The following GALNT7 variants were observed in gnomAD, a reference collection of about 807,000 sequenced individuals.
GALNT7 encodes the protein N-acetylgalactosaminyltransferase 7.
Under a neutral mutation model 82.1 loss-of-function variants are expected in GALNT7, and 60 were observed. The ratio of observed to expected loss-of-function variants is 0.73; its 90% CI spans 0.59 to 0.91. GALNT7 has a LOEUF of 0.91. GALNT7 is among the 40% of genes least tolerant of loss of function. GALNT7 has a pLI of 0.00. For missense variants in GALNT7, 660 were observed against 804.2 expected (o/e 0.82, Z 2.17); for synonymous variants, 243 against 275.1 (o/e 0.88, Z 1.15).
At chr4:173,213,654 A>G (rs942442715) in intron 1 of GALNT7, among the ~76,000 whole-genome samples, 42 of 152,296 alleles carry the variant, frequency 2.8e-4, no homozygotes, top group Non-Finnish European at 5.0e-4. Flanking sequence ...TGATAACTAT[A>G]TAGTGATTAT....
At position 173,198,290 on chromosome 4, in the gene GALNT7, G is replaced by A. The variant is rs538969004; in HGVS notation, c.126+29329G>A. ...TCACCGTGTTAGCCAGGATAGTCTC[G>A]ATCTCCTGACCTCATGATCCGCCTG... On this transcript the variant is annotated intron_variant, in intron 1 of 11. Coordinates refer to ENST00000265000, the MANE Select transcript of GALNT7 (RefSeq NM_017423.3). 5.1e-3 allele frequency among the ~76,000 whole-genome samples: 758 copies of A among 148,598 alleles called. 9 individuals are homozygous for A. Among genetic ancestry groups the A allele is most frequent in the African/African-American group, 0.018 (726 of 40,324 alleles).
intron 1 of GALNT7, among the ~76,000 whole-genome samples, chr4:173,218,066 A>G (rs540196887): frequency 6.6e-6 from 1 of 152,322 alleles, no homozygotes; most frequent in East Asian, 1.9e-4. Context: ...TTCTGGAGAC[A>G]GGGTAGGGAG....
At chr4:173,172,556 CA>C (rs141027918) in intron 1 of GALNT7, among the ~76,000 whole-genome samples, 7,905 of 152,252 alleles carry the variant, frequency 0.052, 430 homozygotes, top group African/African-American at 0.13. Flanking sequence ...GACAGTTTAA[CA>C]ACGGCCTGAC....
At chr4:173,242,906 T>A (rs1734484942) in intron 1 of GALNT7, among the ~76,000 whole-genome samples, 1 of 152,234 alleles carries the variant, frequency 6.6e-6, no homozygotes, top group African/African-American at 2.4e-5. Flanking sequence ...AGGATTTTTC[T>A]GAAGAAAGGT....
chr4:173,242,507 T>C (rs1472571021), intron 1 of GALNT7, among the ~76,000 whole-genome samples: 1 of 152,188 alleles, frequency 6.6e-6, no homozygotes, highest in Non-Finnish European at 1.5e-5. Context: ...ACTGGTAAGG[T>C]CTCTGTTTAA....
At chr4:173,209,494 A>T (rs1350954420) in intron 1 of GALNT7, among the ~76,000 whole-genome samples, 1 of 152,244 alleles carries the variant, frequency 6.6e-6, no homozygotes. Flanking sequence ...ATCTGTGAAC[A>T]TATACCTTCA....
chr4:173,191,436 G>C (rs896896771), intron 1 of GALNT7, among the ~76,000 whole-genome samples: 1 of 152,154 alleles, frequency 6.6e-6, no homozygotes, highest in Non-Finnish European at 1.5e-5. Context: ...ATCCTAATGG[G>C]AAGGCTGTTG....
chr4:173,320,122 G>A lies in GALNT7; in HGVS notation c.1837-1458G>A, dbSNP rs775764581. Among the ~76,000 whole-genome samples the A allele has an allele frequency of 8.5e-5, 13 of 152,158 alleles. No homozygotes were observed. The highest frequency in any genetic ancestry group is 2.0e-4 in the Admixed American group (3 of 15,276). On this transcript the variant is annotated intron_variant, in intron 11 of 11. Coordinates refer to ENST00000265000, the MANE Select transcript of GALNT7 (RefSeq NM_017423.3). The surrounding 1 kb of genome is among the most constrained non-coding windows in gnomAD (Gnocchi z 4.1). ...AGGAAGGTAGTGATGGAAAACAATG[G>A]CTACTTTTAGGAAAATAATTCTGGA...
At chr4:173,184,834 C>A (rs1732416879) in intron 1 of GALNT7, among the ~76,000 whole-genome samples, 1 of 152,128 alleles carries the variant, frequency 6.6e-6, no homozygotes, top group Non-Finnish European at 1.5e-5. Context: ...CTGCTTCACT[C>A]CATCCCCATT....
At chr4:173,277,158 TGCCCATAAACAA>T (rs1735941849) in intron 2 of GALNT7, among the ~76,000 whole-genome samples, 1 of 152,232 alleles carries the variant, frequency 6.6e-6, no homozygotes, top group African/African-American at 2.4e-5. Context: ...ATGGATTATT[TGCCCATAAACAA>T]ATCTGTTTAA....
intron 2 of GALNT7, among the ~76,000 whole-genome samples, chr4:173,269,305 T>G (rs1323743322): frequency 6.6e-6 from 1 of 152,232 alleles, no homozygotes; most frequent in Admixed American, 6.5e-5. Context: ...TATTATTATA[T>G]GTTCCGCCCA....
At chr4:173,220,950 C>T (rs1011135835) in intron 1 of GALNT7, among the ~76,000 whole-genome samples, 84 of 151,694 alleles carry the variant, frequency 5.5e-4, no homozygotes, top group African/African-American at 1.9e-3. Context: ...TGGATAGTGC[C>T]GCAATAAACA....
chr4:173,174,742 G>T (rs1579875899), intron 1 of GALNT7, among the ~76,000 whole-genome samples: 1 of 152,174 alleles, frequency 6.6e-6, no homozygotes, highest in Non-Finnish European at 1.5e-5. Flanking sequence ...GCAATGTAAA[G>T]AAATAATACA....
chr4:173,195,340 A>G (rs1732742839), intron 1 of GALNT7, among the ~76,000 whole-genome samples: 1 of 152,156 alleles, frequency 6.6e-6, no homozygotes, highest in Non-Finnish European at 1.5e-5. Context: ...TGAGTGACTG[A>G]CTGGCTCTGG....
chr4:173,210,140 AG>A (rs1733228579), intron 1 of GALNT7, among the ~76,000 whole-genome samples: 2 of 150,330 alleles, frequency 1.3e-5, no homozygotes, highest in African/African-American at 5.0e-5. Context: ...TCTCAAAAAA[AG>A]AAAAAAAAAA....
At chr4:173,310,112 G>T (rs1368464215) in intron 8 of GALNT7, among the ~76,000 whole-genome samples, 3 of 152,098 alleles carry the variant, frequency 2.0e-5, no homozygotes, top group South Asian at 4.1e-4. Flanking sequence ...AGCCATCAGG[G>T]GGCCAGTGGC....
At chr4:173,217,332 G>A (rs1733501796) in intron 1 of GALNT7, among the ~76,000 whole-genome samples, 1 of 152,164 alleles carries the variant, frequency 6.6e-6, no homozygotes, top group Non-Finnish European at 1.5e-5. Context: ...AAGGTTGTCA[G>A]TGAGGATAGC....
At chr4:173,223,017 CT>C (rs1300821788) in intron 1 of GALNT7, among the ~76,000 whole-genome samples, 1 of 151,776 alleles carries the variant, frequency 6.6e-6, no homozygotes, top group Non-Finnish European at 1.5e-5. Flanking sequence ...AATAAGAATC[CT>C]AAAAAAAAAT....
chr4:173,292,095 T>G lies in GALNT7; in HGVS notation c.588-13T>G, dbSNP rs2126829246. On this transcript the variant is annotated splice_polypyrimidine_tract_variant and intron_variant, in intron 2 of 11. Transcript: ENST00000265000. The surrounding 1 kb of genome is among the most constrained non-coding windows in gnomAD (Gnocchi z 4.8). The stretch of plus-strand genomic sequence containing the variant: ...TACCTGTAAATAAATATGATGAAAT[T>G]TTCTCTTTACAGATGCAAGTATTGG... 6.3e-7 allele frequency: 1 copy of G among 1,586,508 alleles called. No individual in the cohort carries two copies. The highest frequency in any genetic ancestry group is 1.7e-4 in the Middle Eastern group (1 of 6,008).
Sources: allele counts gnomAD v4.1 joint callset (sites outside exome capture counted in the v4.1 genomes callset), GRCh38; gene constraint gnomAD v4.1.1; non-coding constraint Gnocchi (gnomAD v3.1); transcripts MANE v1.5; gene names NCBI Gene and HGNC (gene_info 2026-07-23, HGNC 2026-07-21).